The following RASA2 variants were observed in gnomAD, a reference collection of about 807,000 sequenced individuals.
The protein encoded by RASA2 is RAS p21 protein activator 2.
A neutral mutation model predicts 118.2 loss-of-function variants in RASA2; 155 were observed. The observed-to-expected ratio is 1.31, with a 90% CI of 1.15 to 1.50. RASA2 has a LOEUF of 1.50. Among genes scored for constraint, RASA2 ranks in the 40% most tolerant of loss-of-function variants. RASA2 has a pLI of 0.00. For synonymous variants in RASA2, 353 were observed against 349.1 expected, an observed-to-expected ratio of 1.01 and a Z score of -0.12; for missense variants, 1,016 against 1,009.6, an observed-to-expected ratio of 1.01 and a Z score of -0.09.
At chr3:141,559,764 G>T (rs970861759) in intron 8 of RASA2, 130 bp from the exon 9 acceptor site, 5 of 691,640 alleles carry the variant, frequency 7.2e-6, no homozygotes, top group Admixed American at 4.9e-5. Flanking sequence ...TATGTATATG[G>T]TGTTGCTAAC....
intron 1 of RASA2, among the ~76,000 whole-genome samples, chr3:141,506,652 C>T (rs2081871359): frequency 6.6e-6 from 1 of 152,074 alleles, no homozygotes. Flanking sequence ...GTAGCTCACG[C>T]CTATAATCCC....
intron 1 of RASA2, among the ~76,000 whole-genome samples, chr3:141,503,627 T>C (rs2081818358): frequency 6.6e-6 from 1 of 152,256 alleles, no homozygotes; most frequent in South Asian, 2.1e-4. Flanking sequence ...AAGCCTTCCT[T>C]GAGCTACCTC....
chr3:141,588,168 C>T (rs765381521), intron 19 of RASA2, among the ~76,000 whole-genome samples: 1 of 152,204 alleles, frequency 6.6e-6, no homozygotes, highest in African/African-American at 2.4e-5. Flanking sequence ...TGTCTTACCT[C>T]CACATAAATC....
At chr3:141,547,259 G>A (rs1047446991) in intron 5 of RASA2, among the ~76,000 whole-genome samples, 1 of 151,806 alleles carries the variant, frequency 6.6e-6, no homozygotes, top group Admixed American at 6.6e-5. Flanking sequence ...ATTTCAGTAG[G>A]GATTGCATTG....
chr3:141,540,148 A>G (rs2082386204), intron 4 of RASA2, among the ~76,000 whole-genome samples: 1 of 152,156 alleles, frequency 6.6e-6, no homozygotes, highest in Non-Finnish European at 1.5e-5. Flanking sequence ...TCTGTCTTTT[A>G]ATGAGACTGC....
chr3:141,532,329 T>C (rs2082271565), intron 4 of RASA2, among the ~76,000 whole-genome samples: 3 of 151,806 alleles, frequency 2.0e-5, no homozygotes, highest in Non-Finnish European at 2.9e-5. Flanking sequence ...AAAAATAGAT[T>C]AGGAGTATCA....
Position 141,573,207 on chromosome 3 carries a change from G to A in RASA2, c.1345G>A (p.Val449Ile). ...TATTAAATTGAAAGAGGGAGATAAT[G>A]TAGAAAATAATAAGGTAAGTCCTTG... ...DPIKLKEGDN[V>I]ENNKENLRYY... Residue 449 changes from valine to isoleucine, a missense_variant, in exon 13 of 24, where the codon GTA (valine) becomes ATA (isoleucine). Coordinates refer to ENST00000286364, the MANE Select transcript of RASA2 (RefSeq NM_006506.5). 6.5e-7 allele frequency: 1 copy of A among 1,541,166 alleles called. No individual in the cohort carries two copies. Among genetic ancestry groups the A allele is most frequent in the Non-Finnish European group, 8.7e-7 (1 of 1,154,022 alleles).
chr3:141,550,161 G>A (rs2082551934), intron 5 of RASA2, among the ~76,000 whole-genome samples: 1 of 152,152 alleles, frequency 6.6e-6, no homozygotes, highest in African/African-American at 2.4e-5. Context: ...ATCTATGGAT[G>A]CTAAGTGAGC....
At position 141,574,006 on chromosome 3, in the gene RASA2, C is replaced by T. The variant is rs137996961; in HGVS notation, c.1422C>T (p.Cys474=). The change falls in exon 14 of 24, where the codon TGC becomes TGT. Residue 474 remains cysteine (C), a synonymous_variant. Transcript: ENST00000286364. ...FNTIVKSSMS[C]PTVMCDIFYS... is the part of the protein sequence containing the mutation. ...CAATTGTAAAATCAAGTATGAGCTG[C>T]CCCACTGTAATGTGTGATATCTTTT... 1.2e-4 allele frequency: 183 copies of T among 1,588,896 alleles called. 2 individuals carry two copies. The highest frequency in any genetic ancestry group is 9.8e-4 in the South Asian group (87 of 89,090).
chr3:141,530,352 C>T (rs2151094728), intron 4 of RASA2, among the ~76,000 whole-genome samples: 1 of 152,150 alleles, frequency 6.6e-6, no homozygotes, highest in South Asian at 2.1e-4. Context: ...AAATAAGAGA[C>T]CTTTTTCAGA....
At chr3:141,543,786 A>G (rs893499321) in intron 5 of RASA2, among the ~76,000 whole-genome samples, 4 of 150,318 alleles carry the variant, frequency 2.7e-5, no homozygotes, top group South Asian at 2.1e-4. Context: ...GTTTTTCCCT[A>G]TAGGTAACAC....
chr3:141,531,440 A>G (rs1461115552), intron 4 of RASA2, among the ~76,000 whole-genome samples: 1 of 151,526 alleles, frequency 6.6e-6, no homozygotes, highest in Non-Finnish European at 1.5e-5. Flanking sequence ...ATATATATGC[A>G]TATGTGTATA....
At chr3:141,597,056 C>T (rs2083384617) in intron 19 of RASA2, among the ~76,000 whole-genome samples, 2 of 152,138 alleles carry the variant, frequency 1.3e-5, no homozygotes, top group Admixed American at 1.3e-4. Context: ...AAATGTCTAT[C>T]AGCTGGTGAA....
At chr3:141,590,258 C>T in intron 19 of RASA2, 1 of 422,730 alleles carries the variant, frequency 2.4e-6, no homozygotes, top group Non-Finnish European at 4.8e-6. Context: ...CTGTTTACTC[C>T]AGCTAAATGC....
At chr3:141,572,379 A>G (rs1215809654) in intron 11 of RASA2, among the ~76,000 whole-genome samples, 3 of 152,174 alleles carry the variant, frequency 2.0e-5, no homozygotes, top group Non-Finnish European at 4.4e-5. Context: ...GGCATGAGCC[A>G]TCACACCTGG....
At chr3:141,609,036 A>C (rs1271203331) in intron 21 of RASA2, among the ~76,000 whole-genome samples, 1 of 152,194 alleles carries the variant, frequency 6.6e-6, no homozygotes, top group Non-Finnish European at 1.5e-5. Flanking sequence ...TGCACAAGTT[A>C]AAAAATTTTA....
At chr3:141,561,790 T>G (rs1184746166) in intron 9 of RASA2, among the ~76,000 whole-genome samples, 2 of 152,374 alleles carry the variant, frequency 1.3e-5, no homozygotes, top group East Asian at 3.9e-4. Context: ...ATTTTTAAAT[T>G]TGAAAGTAAG....
chr3:141,490,023 T>C (rs1275662521), intron 1 of RASA2, among the ~76,000 whole-genome samples: 1 of 151,238 alleles, frequency 6.6e-6, no homozygotes, highest in African/African-American at 2.4e-5. Context: ...CATGCAAATA[T>C]GTTTCAGGTG....
At chr3:141,607,614 C>T (rs1198019259) in intron 19 of RASA2, 64 bp from the exon 20 acceptor site, 26 of 1,465,832 alleles carry the variant, frequency 1.8e-5, no homozygotes, top group Non-Finnish European at 2.3e-5. Flanking sequence ...ACAGAATTAA[C>T]CTCTCATCTT....
Sources: gnomAD v4.1 joint callset for allele counts (sites outside exome capture counted in the v4.1 genomes callset) on GRCh38, gnomAD v4.1.1 for gene constraint, MANE v1.5 for transcripts, NCBI Gene and HGNC (gene_info 2026-07-23, HGNC 2026-07-21) for gene names.